PARP16: variants seen among roughly 807,000 people sequenced by gnomAD.
PARP16 encodes protein mono-ADP-ribosyltransferase PARP16.
A neutral mutation model predicts 35.0 loss-of-function variants in PARP16; 31 were observed. The ratio of observed to expected loss-of-function variants is 0.88; its 90% CI spans 0.66 to 1.19. PARP16 has a LOEUF of 1.19. Among genes scored for constraint, PARP16 ranks in the 50% most tolerant of loss-of-function variants. The probability of loss-of-function intolerance (pLI) is 0.00; values close to 1 mark genes in which losing one functional copy is unlikely to be tolerated. For synonymous variants in PARP16, 162 were observed against 169.5 expected (o/e 0.96, Z 0.34); for missense variants, 424 against 411.2 (o/e 1.03, Z -0.27).
chr15:65,240,431 C>T (rs1046339609), intron 3 of PARP16, among the ~76,000 whole-genome samples: 4 of 151,512 alleles, frequency 2.6e-5, no homozygotes, highest in Admixed American at 2.0e-4. Flanking sequence ...ACCATGTTGC[C>T]CAGGCTGGTC....
In PARP16 at chr15:65,273,450, A is replaced by G. The variant is rs138941023; in HGVS notation, c.175-2378T>C. On this transcript the variant is annotated intron_variant, in intron 1 of 5. Transcript: ENST00000649807. ...CTCAGGAGGCTGGGGTGGATTTCTTAAGGCCAGGAGTTAGAGACCAGCTAG... is the reference window on the plus strand; with the variant it reads ...CTCAGGAGGCTGGGGTGGATTTCTTGAGGCCAGGAGTTAGAGACCAGCTAG... Among the ~76,000 whole-genome samples the G allele has an allele frequency of 2.2e-3, 334 of 152,118 alleles. 2 individuals carry two copies. Among genetic ancestry groups the G allele is most frequent in the African/African-American group, 7.2e-3 (299 of 41,528 alleles).
chr15:65,275,313 G>A (rs62012557), intron 1 of PARP16, among the ~76,000 whole-genome samples: 266 of 152,286 alleles, frequency 1.7e-3, no homozygotes, highest in African/African-American at 5.6e-3. Flanking sequence ...AGCTGGGGAA[G>A]TGGGTGGTGG....
intron 1 of PARP16, among the ~76,000 whole-genome samples, 194 bp from the exon 2 acceptor site, chr15:65,271,266 T>C (rs1350338034): frequency 6.6e-6 from 1 of 152,096 alleles, no homozygotes; most frequent in Non-Finnish European, 1.5e-5. Flanking sequence ...AAGGTTTTTT[T>C]TTTGGTGGGT....
intron 1 of PARP16, among the ~76,000 whole-genome samples, chr15:65,284,712 G>A (rs1401096468): frequency 1.3e-5 from 2 of 151,712 alleles, no homozygotes; most frequent in African/African-American, 4.8e-5. Context: ...GTAAAACTGG[G>A]AATTACTTAT....
intron 3 of PARP16, among the ~76,000 whole-genome samples, chr15:65,247,743 G>C (rs2089246502): frequency 6.6e-6 from 1 of 150,594 alleles, no homozygotes; most frequent in African/African-American, 2.4e-5. Flanking sequence ...CAGACACACA[G>C]AGACATGTAT....
At chr15:65,283,254 T>C (rs777274581) in intron 1 of PARP16, among the ~76,000 whole-genome samples, 3 of 152,160 alleles carry the variant, frequency 2.0e-5, no homozygotes, top group Non-Finnish European at 2.9e-5. Flanking sequence ...CTGGACAACG[T>C]TGTGAGACCC....
In PARP16 at chr15:65,261,015, T is replaced by C; in HGVS notation, c.703A>G (p.Ile235Val). The C allele has an allele frequency of 1.2e-6, 2 of 1,613,700 alleles. No homozygotes were observed. The highest frequency in any genetic ancestry group is 8.5e-7 in the Non-Finnish European group (1 of 1,179,826). ...TTGATTCTCGCTCGTCTGCGATCTA[T>C]CTCCTTGGAATCTGAATAAGGAGAG... ...CQTKKKDSKE[I>V]DRRRARIKHS... The change falls in exon 5 of 6, where the codon ATA becomes GTA. Residue 235 changes from isoleucine to valine, a missense_variant. Transcript: ENST00000649807.
chr15:65,251,912 C>T (rs2089372887), intron 2 of PARP16, among the ~76,000 whole-genome samples: 1 of 152,086 alleles, frequency 6.6e-6, no homozygotes, highest in Non-Finnish European at 1.5e-5. Flanking sequence ...CTACAGGCGC[C>T]CACCACCCCG....
intron 2 of PARP16, among the ~76,000 whole-genome samples, chr15:65,248,649 A>G (rs754166343): frequency 1.3e-5 from 2 of 152,132 alleles, no homozygotes; most frequent in Non-Finnish European, 2.9e-5. Flanking sequence ...GCAGGCCCAA[A>G]ACAGACTGGG....
At chr15:65,255,806 G>T (rs2089490385), downstream of PARP16, among the ~76,000 whole-genome samples, 1 of 151,332 alleles carries the variant, frequency 6.6e-6, no homozygotes, top group Non-Finnish European at 1.5e-5. Flanking sequence ...AATGTTGCCG[G>T]AATGAGAGGC....
intron 2 of PARP16, among the ~76,000 whole-genome samples, chr15:65,248,670 T>C (rs1425745998): frequency 2.0e-5 from 3 of 152,186 alleles, no homozygotes. Flanking sequence ...AGTGAGACAT[T>C]TGTCCATAGA....
chr15:65,244,163 A>T (rs548492244), intron 3 of PARP16, among the ~76,000 whole-genome samples: 1 of 152,264 alleles, frequency 6.6e-6, no homozygotes, highest in South Asian at 2.1e-4. Flanking sequence ...TGTGTCAGGA[A>T]GGTCTTCCCT....
chr15:65,263,739 G>A (rs1305509618), intron 3 of PARP16, among the ~76,000 whole-genome samples: 1 of 152,226 alleles, frequency 6.6e-6, no homozygotes, highest in Non-Finnish European at 1.5e-5. Flanking sequence ...AGGATTAAAT[G>A]AGGCAATATA....
At chr15:65,282,012 AAGTG>A (rs1485731434) in intron 1 of PARP16, among the ~76,000 whole-genome samples, 1 of 152,180 alleles carries the variant, frequency 6.6e-6, no homozygotes, top group African/African-American at 2.4e-5. Context: ...GAACAAATGA[AAGTG>A]AGAGACTTTT....
chr15:65,266,444 CG>C (rs1004731388), intron 3 of PARP16, 117 bp downstream of exon 3: 12 of 762,276 alleles, frequency 1.6e-5, no homozygotes, highest in Non-Finnish European at 2.7e-5. Flanking sequence ...AGTGAGAAGG[CG>C]TTAGTAAACC....
At chr15:65,250,437 C>T (rs1428701660) in intron 2 of PARP16, among the ~76,000 whole-genome samples, 1 of 152,030 alleles carries the variant, frequency 6.6e-6, no homozygotes, top group Non-Finnish European at 1.5e-5. Context: ...TTTCTTATTC[C>T]TTTAGAGTCA....
intron 1 of PARP16, among the ~76,000 whole-genome samples, chr15:65,273,356 T>C (rs1471623804): frequency 6.6e-6 from 1 of 151,764 alleles, no homozygotes; most frequent in Non-Finnish European, 1.5e-5. Flanking sequence ...TTGGGAGTTT[T>C]TCTTAGCTCT....
chr15:65,264,769 T>C (rs2140873921), intron 3 of PARP16, among the ~76,000 whole-genome samples: 1 of 152,270 alleles, frequency 6.6e-6, no homozygotes, highest in Non-Finnish European at 1.5e-5. Flanking sequence ...ATCTCTGCCA[T>C]GAAAACAGTA....
Position 65,286,497 on chromosome 15 carries a change from G to A in PARP16, c.-71C>T. The A allele has an allele frequency of 8.1e-7, 1 of 1,236,428 alleles. No individual in the cohort carries two copies. The highest frequency in any genetic ancestry group is 1.6e-5 in the African/African-American group (1 of 62,678). 76.6% of individuals were successfully genotyped at this position (1,236,428 alleles called of 1,614,324 possible). ...AAGGGCGAGCGTGCGTTCAGCGCGG[G>A]GGCTGGGCCCGCGGACAATGGGCCG... is the stretch of plus-strand genomic sequence containing the variant. On this transcript the variant is annotated 5_prime_UTR_variant, in exon 1 of 6. Transcript: ENST00000649807.
Sources: gnomAD v4.1 joint callset for allele counts (sites outside exome capture counted in the v4.1 genomes callset) on GRCh38, gnomAD v4.1.1 for gene constraint, MANE v1.5 for transcripts, NCBI Gene and HGNC (gene_info 2026-07-23, HGNC 2026-07-21) for gene names.